The following BTNL3 variants were observed in gnomAD, a reference collection of about 807,000 sequenced individuals.
The protein encoded by BTNL3 is butyrophilin like 3.
Under a neutral mutation model 40.1 loss-of-function variants are expected in BTNL3, and 20 were observed. The observed-to-expected ratio is 0.50, with a 90% confidence interval of 0.35 to 0.72. The LOEUF (loss-of-function observed/expected upper bound fraction) is 0.72, where lower values mean the gene tolerates loss of function less well. BTNL3 is among the 30% of genes least tolerant of loss of function. The probability of loss-of-function intolerance (pLI) is 0.01; values close to 1 mark genes in which losing one functional copy is unlikely to be tolerated. For missense variants in BTNL3, 449 were observed against 582.2 expected (o/e 0.77, Z 2.35); for synonymous variants, 179 against 222.1 (o/e 0.81, Z 1.73).
At chr5:180,990,460 G>A (rs1271871838) in intron 1 of BTNL3, among the ~76,000 whole-genome samples, 1 of 137,796 alleles carries the variant, frequency 7.3e-6, no homozygotes, top group South Asian at 2.1e-4. Context: ...TGTGGATTGC[G>A]TGAACTCGTG....
In BTNL3 at chr5:181,004,687, T is replaced by G. The variant is rs772617373; in HGVS notation, c.836-49T>G. ...TGGTCTTTCCCTTCTCCCTGCGCCC[T>G]GTTTCCCACGTGAGCACGGAACTGC... On this transcript the variant is annotated intron_variant, in intron 6 of 7. Transcript: ENST00000342868. 20 of 1,613,670 alleles carry G rather than the reference T, an allele frequency of 1.2e-5. No homozygotes were observed. The South Asian group carries it at 2.0e-4, about 16-fold the overall frequency.
chr5:181,000,497 A>G (rs1760091697), intron 3 of BTNL3, among the ~76,000 whole-genome samples: 1 of 137,342 alleles, frequency 7.3e-6, no homozygotes, highest in South Asian at 2.1e-4. Flanking sequence ...AACATTATAC[A>G]TAATGTGTCA....
At chr5:180,996,028 T>A (rs1208895004) in intron 2 of BTNL3, among the ~76,000 whole-genome samples, 1 of 136,442 alleles carries the variant, frequency 7.3e-6, no homozygotes, top group African/African-American at 2.5e-5. Context: ...ATTTATTGAC[T>A]AACAAACATT....
rs946489878 is a variant in BTNL3, at chr5:181,005,974, C to A, written c.*102C>A. 20 of 1,293,098 alleles carry A rather than the reference C, an allele frequency of 1.5e-5. No individual in the cohort carries two copies. The highest frequency in any genetic ancestry group is 3.0e-5 in the African/African-American group (2 of 66,288). 80.1% of individuals were successfully genotyped at this position (1,293,098 alleles called of 1,614,324 possible). A position where few individuals can be genotyped will look rare whatever the true frequency, so the allele number is the denominator to read the frequency against. On this transcript the variant is annotated 3_prime_UTR_variant, in exon 8 of 8. Coordinates refer to ENST00000342868, the MANE Select transcript of BTNL3 (RefSeq NM_197975.3). ...GCCCCAGCTTCCTCTCCGGAGCCTG[C>A]GCACAGAGAGTCACGCCCCCCACTC... is the stretch of plus-strand genomic sequence containing the variant.
At chr5:180,995,249 C>T (rs184255145) in intron 2 of BTNL3, among the ~76,000 whole-genome samples, 1 of 136,868 alleles carries the variant, frequency 7.3e-6, no homozygotes, top group Non-Finnish European at 1.7e-5. Context: ...CTTTTTGAAA[C>T]ATTTTAATAA....
Position 181,005,952 on chromosome 5 carries a change from C to T in BTNL3, c.*80C>T. 1 of 1,423,268 alleles carries T rather than the reference C, an allele frequency of 7.0e-7. No homozygotes were observed. The allele number at this position is 1,423,268 out of a possible 1,614,324, so 88.2% of individuals were successfully genotyped here. On this transcript the variant is annotated 3_prime_UTR_variant, in exon 8 of 8. Coordinates refer to ENST00000342868, the MANE Select transcript of BTNL3 (RefSeq NM_197975.3). ...GGGAGAGTGCTCCCGACAGGTGGCC[C>T]CAGCTTCCTCTCCGGAGCCTGCGCA... is the stretch of plus-strand genomic sequence containing the variant.
At chr5:180,989,640 C>A (rs1759944013) in intron 1 of BTNL3, among the ~76,000 whole-genome samples, 1 of 135,534 alleles carries the variant, frequency 7.4e-6, no homozygotes, top group South Asian at 2.2e-4. Flanking sequence ...TTCTAGTAAC[C>A]ATCAAGACAA....
chr5:181,001,652 T>A lies in BTNL3; in HGVS notation c.674-1020T>A, dbSNP rs574100270. ...CGAGGTTAGGAGATCGAGACCATCCTGGCTAACATGGTGAAACCCCATCTC... is the reference window on the plus strand; with the variant it reads ...CGAGGTTAGGAGATCGAGACCATCCAGGCTAACATGGTGAAACCCCATCTC... On this transcript the variant is annotated intron_variant, in intron 3 of 7. Transcript: ENST00000342868. 1.5e-5 allele frequency among the ~76,000 whole-genome samples: 2 copies of A among 133,212 alleles called. 1 individual carries two copies. The highest frequency in any genetic ancestry group is 4.6e-4 in the East Asian group (2 of 4,394). 87.4% of individuals were successfully genotyped at this position (133,212 alleles called of 152,430 possible).
intron 2 of BTNL3, among the ~76,000 whole-genome samples, chr5:180,996,514 A>G (rs906992613): frequency 7.3e-6 from 1 of 137,016 alleles, no homozygotes; most frequent in African/African-American, 2.5e-5. Context: ...TGCTCAGGTC[A>G]GTGAAGGTAT....
In BTNL3 at chr5:180,997,222, CA is replaced by C; in HGVS notation, c.408del (p.Leu137PhefsTer60). Reference protein sequence around the residue: ...TWELRVAALGSLPLISIVGYV... With the variant: ...TWELRVAALGXLPLISIVGYV... ...CCTGTTTTCTTCCCAGCACTGGGCT[CA>C]CTTCCTCTCATTTCCATCGTGGGAT... On this transcript the variant is annotated frameshift_variant, in exon 3 of 8. Coordinates refer to ENST00000342868, the MANE Select transcript of BTNL3 (RefSeq NM_197975.3). LOFTEE classifies it high-confidence loss of function. 1 of 1,464,338 alleles carries C rather than the reference CA, an allele frequency of 6.8e-7. No individual in the cohort carries two copies. Among genetic ancestry groups the C allele is most frequent in the South Asian group, 1.1e-5 (1 of 89,300 alleles). The allele number at this position is 1,464,338 out of a possible 1,614,324, so 90.7% of individuals were successfully genotyped here.
chr5:180,993,042 A>G lies in BTNL3; in HGVS notation c.279A>G (p.Ala93=), dbSNP rs1455893795. Reference sequence around the variant, plus strand: ...CTGAGTTTGTGAAGGACTCCATTGCAGGGGGGCGTGTCTCTCTAAGGCTAA... The same window carrying G: ...CTGAGTTTGTGAAGGACTCCATTGCGGGGGGGCGTGTCTCTCTAAGGCTAA... ...GRTEFVKDSI[A]GGRVSLRLKN... is the part of the protein sequence containing the mutation. The change falls in exon 2 of 8, where the codon GCA becomes GCG. Residue 93 remains alanine, a synonymous_variant. Coordinates refer to ENST00000342868, the MANE Select transcript of BTNL3 (RefSeq NM_197975.3). 4 of 1,457,284 alleles carry G rather than the reference A, an allele frequency of 2.7e-6. 1 individual carries two copies. The highest frequency in any genetic ancestry group is 2.8e-5 in the African/African-American group (2 of 72,222). 90.3% of individuals were successfully genotyped at this position (1,457,284 alleles called of 1,614,324 possible). A position where few individuals can be genotyped will look rare whatever the true frequency, so the allele number is the denominator to read the frequency against.
intron 6 of BTNL3, 123 bp downstream of exon 6, chr5:181,004,566 T>C (rs1041305569): frequency 1.0e-4 from 151 of 1,472,946 alleles, no homozygotes; most frequent in Middle Eastern, 1.9e-4. Context: ...AACTCTGAAA[T>C]TGCAGATTCT....
rs1367119406 is a variant in BTNL3, at chr5:180,998,087, T to C, written c.673+599T>C. On this transcript the variant is annotated intron_variant, in intron 3 of 7. Transcript: ENST00000342868. ...AGACTCCATCTCAAAAATGTAAAAATAAAAATAAAAATAAAAATAGACAAA... is the reference window on the plus strand; with the variant it reads ...AGACTCCATCTCAAAAATGTAAAAACAAAAATAAAAATAAAAATAGACAAA... Among the ~76,000 whole-genome samples, 3 of 134,722 alleles carry C rather than the reference T, an allele frequency of 2.2e-5. 1 individual carries two copies. The East Asian group carries it at 6.5e-4, about 29-fold the overall frequency. The allele number at this position is 134,722 out of a possible 152,430, so 88.4% of individuals were successfully genotyped here. A position where few individuals can be genotyped will look rare whatever the true frequency, so the allele number is the denominator to read the frequency against.
rs1760221752 is a variant in BTNL3, at chr5:181,005,920, C to G, written c.*48C>G. 4 of 1,518,206 alleles carry G rather than the reference C, an allele frequency of 2.6e-6. No individual in the cohort carries two copies. In the African/African-American group the frequency reaches 5.6e-5, roughly 21 times the overall value. The allele number at this position is 1,518,206 out of a possible 1,614,324, so 94.0% of individuals were successfully genotyped here. A position where few individuals can be genotyped will look rare whatever the true frequency, so the allele number is the denominator to read the frequency against. On this transcript the variant is annotated 3_prime_UTR_variant, in exon 8 of 8. Transcript: ENST00000342868. ...GGGCCCCACACCACAGACCCAGACA[C>G]AGCCAAGGGAGAGTGCTCCCGACAG...
chr5:180,990,889 A>T (rs1263554249), intron 1 of BTNL3, among the ~76,000 whole-genome samples: 1 of 136,864 alleles, frequency 7.3e-6, no homozygotes, highest in Non-Finnish European at 1.7e-5. Context: ...CCTTTGGAGG[A>T]ACTGTATAGA....
At position 180,999,026 on chromosome 5, in the gene BTNL3, C is replaced by T. The variant is rs1160460862; in HGVS notation, c.673+1538C>T. ...CCTGTAATCCCAGCTACCTGGGAAG[C>T]TGAGGCAGGAGAATTGCTTGAACCC... is the stretch of plus-strand genomic sequence containing the variant. On this transcript the variant is annotated intron_variant, in intron 3 of 7. Coordinates refer to ENST00000342868, the MANE Select transcript of BTNL3 (RefSeq NM_197975.3). 1.5e-5 allele frequency among the ~76,000 whole-genome samples: 2 copies of T among 136,166 alleles called. 1 individual carries two copies. Among genetic ancestry groups the T allele is most frequent in the African/African-American group, 5.1e-5 (2 of 39,590 alleles). The allele number at this position is 136,166 out of a possible 152,430, so 89.3% of individuals were successfully genotyped here. A position where few individuals can be genotyped will look rare whatever the true frequency, so the allele number is the denominator to read the frequency against.
At chr5:180,996,327 C>T (rs1407473363) in intron 2 of BTNL3, among the ~76,000 whole-genome samples, 2 of 136,270 alleles carry the variant, frequency 1.5e-5, no homozygotes, top group African/African-American at 5.1e-5. Flanking sequence ...ACTGGAGTCA[C>T]TTCAGTAGTT....
At chr5:180,992,661 C>G (rs929467731) in intron 1 of BTNL3, among the ~76,000 whole-genome samples, 152 bp from the exon 2 acceptor site, 1 of 137,348 alleles carries the variant, frequency 7.3e-6, no homozygotes, top group Non-Finnish European at 1.7e-5. Context: ...GAAGCATTCT[C>G]GCAAGTGTAA....
At position 180,992,354 on chromosome 5, in the gene BTNL3, T is replaced by G. The variant is rs1385450779; in HGVS notation, c.50-459T>G. Among the ~76,000 whole-genome samples, 2 of 137,250 alleles carry G rather than the reference T, an allele frequency of 1.5e-5. 1 individual carries two copies. The highest frequency in any genetic ancestry group is 3.3e-5 in the Non-Finnish European group (2 of 59,938). 90.0% of individuals were successfully genotyped at this position (137,250 alleles called of 152,430 possible). Reference sequence around the variant, plus strand: ...TTTGAAGGAAATAAATTTTCCCAAATTCGATATTTTATGGCCACTTACTCC... The same window carrying G: ...TTTGAAGGAAATAAATTTTCCCAAAGTCGATATTTTATGGCCACTTACTCC... On this transcript the variant is annotated intron_variant, in intron 1 of 7. Coordinates refer to ENST00000342868, the MANE Select transcript of BTNL3 (RefSeq NM_197975.3).
Sources: allele counts gnomAD v4.1 joint callset (sites outside exome capture counted in the v4.1 genomes callset), GRCh38; gene constraint gnomAD v4.1.1; transcripts MANE v1.5; gene names NCBI Gene and HGNC (gene_info 2026-07-23, HGNC 2026-07-21).